RCAN2: variants seen among roughly 807,000 people sequenced by gnomAD.
The protein encoded by RCAN2 is regulator of calcineurin 2, also known as calcipressin-2.
In RCAN2, 9 loss-of-function variants were observed where a neutral mutation model predicts 23.6. That is an observed-to-expected ratio of 0.38 (90% CI 0.23 to 0.67). The LOEUF (loss-of-function observed/expected upper bound fraction) is 0.67. Among genes scored for constraint, RCAN2 ranks in the 30% least tolerant of loss-of-function variants. The pLI is 0.51. For missense variants in RCAN2, 273 were observed against 302.3 expected (o/e 0.90, Z 0.72); for synonymous variants, 109 against 115.7 (o/e 0.94, Z 0.37).
intron 2 of RCAN2, among the ~76,000 whole-genome samples, chr6:46,282,022 G>A (rs1236179689): frequency 1.3e-5 from 2 of 152,038 alleles, no homozygotes; most frequent in Non-Finnish European, 2.9e-5. Context: ...ATAAAGTCAG[G>A]GACACTTTCT....
intron 2 of RCAN2, among the ~76,000 whole-genome samples, chr6:46,456,250 A>C (rs1768026334): frequency 6.6e-6 from 1 of 152,218 alleles, no homozygotes; most frequent in African/African-American, 2.4e-5. Flanking sequence ...TGAGCAAAGA[A>C]GGACTCAGAT....
At chr6:46,269,770 G>A (rs186235082) in intron 2 of RCAN2, among the ~76,000 whole-genome samples, 51 of 152,308 alleles carry the variant, frequency 3.3e-4, no homozygotes, top group African/African-American at 1.1e-3. Flanking sequence ...GAGGGACCCA[G>A]GATTGGGCAG....
chr6:46,402,292 G>T lies in RCAN2; in HGVS notation c.225+54460C>A, dbSNP rs942830479. Among the ~76,000 whole-genome samples the T allele has an allele frequency of 4.8e-4, 73 of 152,060 alleles. 1 individual carries two copies. The highest frequency in any genetic ancestry group is 1.7e-3 in the African/African-American group (71 of 41,392). On this transcript the variant is annotated intron_variant, in intron 2 of 4. Transcript: ENST00000371374. ...TATATACGTGTGTATATATGTGTGT[G>T]TTGTGTGTGTACACCGTTGGGGCTC...
chr6:46,302,222 T>A (rs1431772386), intron 2 of RCAN2, among the ~76,000 whole-genome samples: 2 of 151,950 alleles, frequency 1.3e-5, no homozygotes, highest in South Asian at 2.1e-4. Context: ...ACTGGGCGGG[T>A]GATTGTACAG....
intron 4 of RCAN2, among the ~76,000 whole-genome samples, chr6:46,245,006 C>G (rs924451272): frequency 6.6e-6 from 1 of 152,218 alleles, no homozygotes; most frequent in African/African-American, 2.4e-5. Context: ...TGTGAGTAGA[C>G]TTAATTTACT....
chr6:46,268,533 A>G (rs9369606), intron 2 of RCAN2, among the ~76,000 whole-genome samples: 119,363 of 152,030 alleles, frequency 0.79, 47,160 homozygotes, highest in Non-Finnish European at 0.83. Context: ...AACATTTTAC[A>G]TTGTGTGAGA....
chr6:46,443,500 T>C (rs1767613444), intron 2 of RCAN2, among the ~76,000 whole-genome samples: 1 of 152,020 alleles, frequency 6.6e-6, no homozygotes, highest in Non-Finnish European at 1.5e-5. Flanking sequence ...ATTTATTTTA[T>C]TTATTGCTTT....
chr6:46,336,454 T>C (rs1460627413), intron 2 of RCAN2, among the ~76,000 whole-genome samples: 2 of 152,136 alleles, frequency 1.3e-5, no homozygotes, highest in African/African-American at 4.8e-5. Context: ...AAGAAAGGCT[T>C]CAAGGAAAAA....
intron 2 of RCAN2, among the ~76,000 whole-genome samples, chr6:46,418,467 C>G (rs1345382269): frequency 6.6e-6 from 1 of 151,866 alleles, no homozygotes; most frequent in Non-Finnish European, 1.5e-5. Context: ...CCCCTCCTTA[C>G]AATCAGTGCC....
chr6:46,294,668 A>C (rs1242421873), intron 2 of RCAN2, among the ~76,000 whole-genome samples: 1 of 152,174 alleles, frequency 6.6e-6, no homozygotes, highest in African/African-American at 2.4e-5. Context: ...TTGTGTGAAG[A>C]AATCAAGCAA....
chr6:46,357,905 A>G (rs1035489650), intron 2 of RCAN2, among the ~76,000 whole-genome samples: 1 of 152,192 alleles, frequency 6.6e-6, no homozygotes, highest in Non-Finnish European at 1.5e-5. Context: ...GCAGGAAGAA[A>G]TTTAGGTGAA....
chr6:46,291,772 T>C (rs1762569191), intron 2 of RCAN2, among the ~76,000 whole-genome samples: 2 of 152,114 alleles, frequency 1.3e-5, no homozygotes, highest in South Asian at 2.1e-4. Flanking sequence ...AGGATACACC[T>C]GCCCCTGAAA....
intron 2 of RCAN2, among the ~76,000 whole-genome samples, chr6:46,354,915 G>A (rs1029236437): frequency 2.0e-5 from 3 of 147,412 alleles, no homozygotes; most frequent in African/African-American, 4.9e-5. Context: ...GTGTGTGTGT[G>A]TGTGTGTGTG....
In RCAN2 at chr6:46,258,941, G is replaced by C. The variant is rs557794131; in HGVS notation, c.226-10045C>G. ...AACCTTTGAATGAGGGAGGCAGAGCGGGGGTGAATCCAAGTATTATGTAAC... is the reference window on the plus strand; with the variant it reads ...AACCTTTGAATGAGGGAGGCAGAGCCGGGGTGAATCCAAGTATTATGTAAC... On this transcript the variant is annotated intron_variant, in intron 2 of 4. Coordinates refer to ENST00000371374, the MANE Select transcript of RCAN2 (RefSeq NM_001251974.2). 8.4e-4 allele frequency among the ~76,000 whole-genome samples: 128 copies of C among 152,142 alleles called. 1 individual carries two copies. Among genetic ancestry groups the C allele is most frequent in the Non-Finnish European group, 1.6e-3 (111 of 68,030 alleles).
chr6:46,388,400 A>G (rs1430858698), intron 2 of RCAN2, among the ~76,000 whole-genome samples: 1 of 152,136 alleles, frequency 6.6e-6, no homozygotes, highest in Non-Finnish European at 1.5e-5. Context: ...CAATTCCTGA[A>G]GGATCTAGAA....
intron 2 of RCAN2, among the ~76,000 whole-genome samples, chr6:46,252,059 G>A (rs1766748011): frequency 2.0e-5 from 3 of 152,042 alleles, no homozygotes. Flanking sequence ...TTTATTTGTA[G>A]GGGTGACAGT....
intron 4 of RCAN2, among the ~76,000 whole-genome samples, chr6:46,224,409 T>C (rs1055354594): frequency 3.3e-5 from 5 of 152,210 alleles, no homozygotes; most frequent in African/African-American, 7.2e-5. Flanking sequence ...ATAAATTTTG[T>C]AGTCTAGCAC....
chr6:46,350,026 C>A (rs545719891), intron 2 of RCAN2, among the ~76,000 whole-genome samples: 1 of 152,288 alleles, frequency 6.6e-6, no homozygotes, highest in South Asian at 2.1e-4. Context: ...TAACAACCTG[C>A]CTTATTTTTC....
chr6:46,373,204 ACGG>A (rs1765366357), intron 2 of RCAN2, among the ~76,000 whole-genome samples: 1 of 152,174 alleles, frequency 6.6e-6, no homozygotes, highest in Non-Finnish European at 1.5e-5. Context: ...AACTAAAGCT[ACGG>A]GGTCAAGAAA....
Sources: gnomAD v4.1 joint callset for allele counts (sites outside exome capture counted in the v4.1 genomes callset) on GRCh38, gnomAD v4.1.1 for gene constraint, MANE v1.5 for transcripts, NCBI Gene and HGNC (gene_info 2026-07-23, HGNC 2026-07-21) for gene names.